Variants in PIGL observed in about 807,000 individuals in gnomAD.
PIGL encodes the protein phosphatidylinositol glycan anchor biosynthesis class L, also known as N-acetylglucosaminyl-phosphatidylinositol de-N-acetylase.
In PIGL, 22 loss-of-function variants were observed where a neutral mutation model predicts 31.1. The ratio of observed to expected loss-of-function variants is 0.71; its 90% CI spans 0.51 to 1.01. The LOEUF is 1.01. Ranked by LOEUF, PIGL falls within the 50% of genes least tolerant of loss-of-function variation. The pLI is 0.00. For missense variants in PIGL, 302 were observed against 315.9 expected, an observed-to-expected ratio of 0.96 and a Z score of 0.33; for synonymous variants, 131 against 117.4, an observed-to-expected ratio of 1.12 and a Z score of -0.75.
At chr17:16,299,457 C>G (rs903171797) in intron 2 of PIGL, among the ~76,000 whole-genome samples, 2 of 151,890 alleles carry the variant, frequency 1.3e-5, no homozygotes, top group Non-Finnish European at 2.9e-5. Context: ...AAGAAAAAAA[C>G]AAAACAAAAC....
intron 2 of PIGL, among the ~76,000 whole-genome samples, chr17:16,255,060 C>T (rs1463094539): frequency 6.6e-6 from 1 of 152,206 alleles, no homozygotes; most frequent in Non-Finnish European, 1.5e-5. Context: ...TCTCTAAGAA[C>T]TCGAATGATG....
chr17:16,317,826 C>T lies in PIGL; in HGVS notation c.578C>T (p.Ser193Phe). ...QSVNVLRKYISLLDLPLSLLH... is the reference protein window; with the variant it reads ...QSVNVLRKYIFLLDLPLSLLH... The stretch of plus-strand genomic sequence containing the variant: ...GTGAATGTGCTGCGCAAGTACATCT[C>T]CCTTCTGGATCTGCCCTTGTCTCTG... The change falls in exon 6 of 7, where the codon TCC (serine) becomes TTC (phenylalanine). Residue 193 changes from serine (S) to phenylalanine (F), a missense_variant. Transcript: ENST00000225609. 1 of 1,614,160 alleles carries T rather than the reference C, an allele frequency of 6.2e-7. No homozygotes were observed. The highest frequency in any genetic ancestry group is 1.7e-5 in the Admixed American group (1 of 60,024).
At chr17:16,303,963 C>T (rs2093016231) in intron 3 of PIGL, among the ~76,000 whole-genome samples, 1 of 152,154 alleles carries the variant, frequency 6.6e-6, no homozygotes, top group Non-Finnish European at 1.5e-5. Flanking sequence ...ATCCGCCCGC[C>T]TCGGCCTCCC....
intron 2 of PIGL, among the ~76,000 whole-genome samples, chr17:16,264,644 T>C (rs1030622905): frequency 9.1e-5 from 13 of 142,780 alleles, no homozygotes; most frequent in African/African-American, 3.5e-4. Context: ...TTATTATTAT[T>C]ATTATTTTGA....
chr17:16,273,890 G>C (rs2092882633), intron 2 of PIGL, among the ~76,000 whole-genome samples: 1 of 152,180 alleles, frequency 6.6e-6, no homozygotes, highest in African/African-American at 2.4e-5. Context: ...TAAGCCATTG[G>C]AAACTTTTTA....
chr17:16,252,682 C>A (rs1265649899), intron 2 of PIGL, among the ~76,000 whole-genome samples: 1 of 151,950 alleles, frequency 6.6e-6, no homozygotes, highest in East Asian at 1.9e-4. Context: ...TCTAGCCATC[C>A]AAGTGAATGC....
At chr17:16,218,430 G>C (rs946908158) in intron 1 of PIGL, among the ~76,000 whole-genome samples, 1 of 152,166 alleles carries the variant, frequency 6.6e-6, no homozygotes, top group African/African-American at 2.4e-5. Context: ...GTGTCCTCAT[G>C]AAACTTTAAA....
intron 2 of PIGL, among the ~76,000 whole-genome samples, chr17:16,291,160 C>T (rs2092958471): frequency 6.6e-6 from 1 of 152,120 alleles, no homozygotes; most frequent in Non-Finnish European, 1.5e-5. Context: ...TGTATAAGTC[C>T]ATGTGTACTA....
intron 2 of PIGL, among the ~76,000 whole-genome samples, chr17:16,277,642 C>T (rs139939806): frequency 7.2e-5 from 11 of 152,266 alleles, no homozygotes; most frequent in African/African-American, 2.4e-4. Context: ...TTTAATGTCA[C>T]AATTTACAAA....
intron 6 of PIGL, among the ~76,000 whole-genome samples, chr17:16,321,425 A>G (rs1486958790): frequency 1.3e-5 from 2 of 151,790 alleles, no homozygotes; most frequent in Admixed American, 1.3e-4. Context: ...TTTTTAGTAG[A>G]CACGGGGTTT....
chr17:16,220,214 G>A (rs2092620270), intron 1 of PIGL, among the ~76,000 whole-genome samples: 1 of 151,890 alleles, frequency 6.6e-6, no homozygotes, highest in Admixed American at 6.6e-5. Flanking sequence ...TGGCTGTGGT[G>A]GTCCACGCCT....
chr17:16,266,512 C>T (rs2092843843), intron 2 of PIGL, among the ~76,000 whole-genome samples: 2 of 151,944 alleles, frequency 1.3e-5, no homozygotes, highest in Non-Finnish European at 2.9e-5. Flanking sequence ...GTGGTACTCA[C>T]ATCACCAGCC....
chr17:16,236,716 C>T (rs754247788), intron 2 of PIGL, among the ~76,000 whole-genome samples: 2 of 151,888 alleles, frequency 1.3e-5, no homozygotes, highest in Non-Finnish European at 2.9e-5. Context: ...TACAGGTACA[C>T]GCCACCATGC....
intron 1 of PIGL, among the ~76,000 whole-genome samples, chr17:16,224,566 C>T (rs1225338894): frequency 6.6e-6 from 1 of 152,108 alleles, no homozygotes; most frequent in African/African-American, 2.4e-5. Context: ...TCTTGGCCTC[C>T]CAAAGTGCTG....
chr17:16,252,055 A>ATTTTTCTTTCC (rs1568797381), intron 2 of PIGL, among the ~76,000 whole-genome samples: 1 of 133,634 alleles, frequency 7.5e-6, no homozygotes, highest in African/African-American at 3.3e-5. Flanking sequence ...TGCGCAGATA[A>ATTTTTCTTTCC]TTTTTTTTTC....
intron 2 of PIGL, among the ~76,000 whole-genome samples, chr17:16,246,436 C>T (rs559028630): frequency 9.3e-5 from 14 of 151,048 alleles, no homozygotes; most frequent in African/African-American, 2.7e-4. Flanking sequence ...CGCTTGAACC[C>T]GGGAAGCGGA....
At chr17:16,257,203 G>T (rs140746048) in intron 2 of PIGL, among the ~76,000 whole-genome samples, 2,616 of 152,208 alleles carry the variant, frequency 0.017, 69 homozygotes, top group African/African-American at 0.059. Flanking sequence ...GATCACCTGA[G>T]GTCAGGAGTT....
At chr17:16,245,968 C>T (rs1045487465) in intron 2 of PIGL, among the ~76,000 whole-genome samples, 2 of 150,774 alleles carry the variant, frequency 1.3e-5, no homozygotes, top group East Asian at 2.0e-4. Flanking sequence ...TACAGGCACC[C>T]GCCACCTTGA....
chr17:16,285,447 C>T (rs1600823037), intron 2 of PIGL, among the ~76,000 whole-genome samples: 1 of 152,096 alleles, frequency 6.6e-6, no homozygotes, highest in South Asian at 2.1e-4. Context: ...TAGCCAGGCG[C>T]GGTGGCAGGT....
Sources: allele counts gnomAD v4.1 joint callset (sites outside exome capture counted in the v4.1 genomes callset), GRCh38; gene constraint gnomAD v4.1.1; transcripts MANE v1.5; gene names NCBI Gene and HGNC (gene_info 2026-07-23, HGNC 2026-07-21).